The following CSMD1 variants were observed in gnomAD, a reference collection of about 807,000 sequenced individuals.
CSMD1 encodes CUB and Sushi multiple domains 1, also known as CUB and sushi domain-containing protein 1.
CSMD1 carries 213 observed loss-of-function variants against 417.5 expected under a neutral mutation model. That is an observed-to-expected ratio of 0.51 (90% confidence interval 0.46 to 0.57). The LOEUF (loss-of-function observed/expected upper bound fraction) is 0.57. Ranked by LOEUF, CSMD1 falls within the 20% of genes least tolerant of loss-of-function variation. CSMD1 has a pLI of 0.00. For missense variants in CSMD1, 6,923 were observed against 4,529.7 expected, an observed-to-expected ratio of 1.53 and a Z score of -15.17; for synonymous variants, 2,862 against 1,736.8, an observed-to-expected ratio of 1.65 and a Z score of -16.11.
At chr8:4,727,856 A>G (rs1376016770) in intron 1 of CSMD1, among the ~76,000 whole-genome samples, 1 of 149,042 alleles carries the variant, frequency 6.7e-6, no homozygotes, top group East Asian at 1.9e-4. Flanking sequence ...TACATATTGG[A>G]TATATATTTA....
At chr8:4,983,882 T>C (rs1584951937) in intron 1 of CSMD1, among the ~76,000 whole-genome samples, 1 of 152,192 alleles carries the variant, frequency 6.6e-6, no homozygotes, top group South Asian at 2.1e-4. Flanking sequence ...GGGCTTGAGA[T>C]ACATGGAAAC....
At chr8:4,453,410 C>T (rs1486995556) in intron 2 of CSMD1, among the ~76,000 whole-genome samples, 2 of 152,148 alleles carry the variant, frequency 1.3e-5, no homozygotes, top group African/African-American at 4.8e-5. Context: ...AGGAGATTCC[C>T]AGAAGACACT....
At chr8:2,978,867 A>G in intron 54 of CSMD1, 67 bp from the exon 55 acceptor site, 4 of 1,323,160 alleles carry the variant, frequency 3.0e-6, no homozygotes, top group Non-Finnish European at 4.1e-6. Flanking sequence ...TAGATCAGAA[A>G]TGAAGGCGAA....
intron 3 of CSMD1, among the ~76,000 whole-genome samples, chr8:4,282,364 G>T (rs1203748109): frequency 6.6e-6 from 1 of 152,116 alleles, no homozygotes; most frequent in East Asian, 1.9e-4. Context: ...CTGGACAAGA[G>T]GGCTCTCTTC....
intron 3 of CSMD1, among the ~76,000 whole-genome samples, chr8:4,308,616 C>T (rs974625505): frequency 6.6e-6 from 1 of 152,100 alleles, no homozygotes; most frequent in Admixed American, 6.6e-5. Flanking sequence ...ATTTGTTAAG[C>T]CTGCTTTGGA....
intron 1 of CSMD1, among the ~76,000 whole-genome samples, chr8:4,739,500 A>C (rs187052981): frequency 1.3e-5 from 2 of 152,250 alleles, no homozygotes; most frequent in African/African-American, 4.8e-5. Context: ...AAGTAACAAA[A>C]CTTTTCTGTG....
chr8:4,571,594 G>A (rs1475896850), intron 2 of CSMD1, among the ~76,000 whole-genome samples: 2 of 152,162 alleles, frequency 1.3e-5, no homozygotes, highest in East Asian at 3.9e-4. Flanking sequence ...AGTGCTATGT[G>A]GTGCTGAGAA....
chr8:3,953,525 T>G (rs1393852918), intron 5 of CSMD1, among the ~76,000 whole-genome samples: 1 of 152,084 alleles, frequency 6.6e-6, no homozygotes. Context: ...GATAATGACA[T>G]TGCCCTGAGT....
chr8:4,474,579 C>A (rs952110333), intron 2 of CSMD1, among the ~76,000 whole-genome samples: 1 of 152,120 alleles, frequency 6.6e-6, no homozygotes, highest in Non-Finnish European at 1.5e-5. Flanking sequence ...TAAAGAGAAC[C>A]TTTAGGCGGT....
chr8:3,730,192 G>A (rs1373519402), intron 6 of CSMD1, among the ~76,000 whole-genome samples: 1 of 151,996 alleles, frequency 6.6e-6, no homozygotes, highest in African/African-American at 2.4e-5. Flanking sequence ...TCTCCAACAG[G>A]TAGGCAGAGA....
intron 9 of CSMD1, among the ~76,000 whole-genome samples, chr8:3,577,019 T>C (rs73660307): frequency 0.015 from 2,360 of 152,316 alleles, 68 homozygotes; most frequent in African/African-American, 0.053. Flanking sequence ...TTTCAAGCTT[T>C]TAAAAAGTAC....
chr8:4,833,343 G>C (rs1330395404), intron 1 of CSMD1, among the ~76,000 whole-genome samples: 1 of 152,178 alleles, frequency 6.6e-6, no homozygotes, highest in Non-Finnish European at 1.5e-5. Flanking sequence ...GAAGACAATG[G>C]TGAAGGAGGA....
intron 54 of CSMD1, among the ~76,000 whole-genome samples, chr8:2,996,231 G>C (rs893659613): frequency 1.3e-5 from 2 of 152,054 alleles, no homozygotes; most frequent in Non-Finnish European, 2.9e-5. Flanking sequence ...ATAACATACT[G>C]AACATATGAC....
rs3219854 is a variant in CSMD1, at chr8:3,819,561, C to CACACACACACACTT, written c.819-65520_819-65519insAAGTGTGTGTGTGT. On this transcript the variant is annotated intron_variant, in intron 5 of 69. Transcript: ENST00000635120. ...ACACACACACACACACACACACACA[C>CACACACACACACTT]GTATGTATATAAACGCCAACATGCG... 2.0e-3 allele frequency among the ~76,000 whole-genome samples: 296 copies of CACACACACACACTT among 149,878 alleles called. 1 individual carries two copies. Among genetic ancestry groups the CACACACACACACTT allele is most frequent in the African/African-American group, 6.2e-3 (255 of 40,816 alleles).
intron 18 of CSMD1, among the ~76,000 whole-genome samples, chr8:3,376,912 T>C (rs78692268): frequency 0.02 from 3,060 of 152,302 alleles, 106 homozygotes; most frequent in African/African-American, 0.069. Context: ...TGAAGGGTAA[T>C]GAGAACAAGC....
At chr8:4,526,251 C>T (rs1438382030) in intron 2 of CSMD1, among the ~76,000 whole-genome samples, 4 of 152,114 alleles carry the variant, frequency 2.6e-5, no homozygotes, top group Non-Finnish European at 5.9e-5. Context: ...AAGAGATTCC[C>T]ATTATAAAGC....
chr8:3,527,067 C>T (rs962000506), intron 10 of CSMD1, among the ~76,000 whole-genome samples: 24 of 151,870 alleles, frequency 1.6e-4, no homozygotes, highest in East Asian at 7.7e-4. Context: ...GTCAGTGCCA[C>T]GCTGCAAAGA....
At position 3,047,762 on chromosome 8, in the gene CSMD1, A is replaced by T. The variant is rs111923617; in HGVS notation, c.7660+4700T>A. 2.5e-3 allele frequency among the ~76,000 whole-genome samples: 386 copies of T among 152,334 alleles called. 1 individual carries two copies. The highest frequency in any genetic ancestry group is 8.8e-3 in the African/African-American group (367 of 41,578). On this transcript the variant is annotated intron_variant, in intron 50 of 69. Coordinates refer to ENST00000635120, the MANE Select transcript of CSMD1 (RefSeq NM_033225.6). Reference sequence around the variant, plus strand: ...GTAATGCCAATCCCTTTTTTGGCAGATATAAACTACTTGCATGGACATTCT... The same window carrying T: ...GTAATGCCAATCCCTTTTTTGGCAGTTATAAACTACTTGCATGGACATTCT...
At chr8:4,623,253 T>G (rs1008138544) in intron 2 of CSMD1, among the ~76,000 whole-genome samples, 1 of 152,132 alleles carries the variant, frequency 6.6e-6, no homozygotes, top group African/African-American at 2.4e-5. Flanking sequence ...ATATTATTGG[T>G]CATCAGGGAA....
Sources: gnomAD v4.1 joint callset for allele counts (sites outside exome capture counted in the v4.1 genomes callset) on GRCh38, gnomAD v4.1.1 for gene constraint, MANE v1.5 for transcripts, NCBI Gene and HGNC (gene_info 2026-07-23, HGNC 2026-07-21) for gene names.